The following GLT1D1 variants were observed in gnomAD, a reference collection of about 807,000 sequenced individuals.
GLT1D1 encodes glycosyltransferase 1 domain-containing protein 1.
A neutral mutation model predicts 28.7 loss-of-function variants in GLT1D1; 21 were observed. The observed-to-expected ratio is 0.73, with a 90% confidence interval of 0.52 to 1.05. The LOEUF (loss-of-function observed/expected upper bound fraction) is 1.05, where lower values mean the gene tolerates loss of function less well. Ranked by LOEUF, GLT1D1 falls within the 50% of genes least tolerant of loss-of-function variation. The pLI, the probability that GLT1D1 is intolerant of heterozygous loss-of-function variation, is 0.00. For missense variants in GLT1D1, 343 were observed against 330.6 expected (o/e 1.04, Z -0.29); for synonymous variants, 147 against 124.8 (o/e 1.18, Z -1.19).
At chr12:128,894,209 C>T (rs899738959) in intron 3 of GLT1D1, among the ~76,000 whole-genome samples, 7 of 152,234 alleles carry the variant, frequency 4.6e-5, no homozygotes, top group Admixed American at 3.3e-4. Flanking sequence ...AGATCCTCTC[C>T]GTCCGTCTTT....
At chr12:128,913,905 C>T (rs1871814367) in intron 4 of GLT1D1, among the ~76,000 whole-genome samples, 1 of 152,140 alleles carries the variant, frequency 6.6e-6, no homozygotes, top group African/African-American at 2.4e-5. Flanking sequence ...GCTCAGTGGG[C>T]CTTTAAGGGT....
chr12:128,942,768 T>TTTTTA (rs1875485025), intron 4 of GLT1D1, among the ~76,000 whole-genome samples: 1 of 137,526 alleles, frequency 7.3e-6, no homozygotes. Context: ...TTTTTTTTTT[T>TTTTTA]GAGACAGAGT....
chr12:128,928,244 G>A (rs1211326744), intron 4 of GLT1D1, among the ~76,000 whole-genome samples: 1 of 152,090 alleles, frequency 6.6e-6, no homozygotes. Flanking sequence ...GCCTTGTTGT[G>A]TGGAAAATGA....
chr12:128,899,463 G>A (rs776013604), intron 4 of GLT1D1, among the ~76,000 whole-genome samples, 176 bp downstream of exon 4: 6 of 151,430 alleles, frequency 4.0e-5, no homozygotes, highest in African/African-American at 9.7e-5. Context: ...CACCTAAAAC[G>A]TCCCTGATAT....
At chr12:128,879,397 T>G (rs1350446925) in intron 2 of GLT1D1, among the ~76,000 whole-genome samples, 1 of 81,994 alleles carries the variant, frequency 1.2e-5, no homozygotes, top group Non-Finnish European at 2.3e-5. Flanking sequence ...TTTCTTTCTT[T>G]CTTTCTTTCT....
At chr12:128,981,190 C>G (rs1300385804) in intron 7 of GLT1D1, among the ~76,000 whole-genome samples, 1 of 152,198 alleles carries the variant, frequency 6.6e-6, no homozygotes, top group Non-Finnish European at 1.5e-5. Context: ...CTCTCTCTTG[C>G]TTTATTTAAG....
intron 2 of GLT1D1, among the ~76,000 whole-genome samples, chr12:128,880,931 A>G (rs553472494): frequency 3.9e-5 from 6 of 152,290 alleles, no homozygotes; most frequent in African/African-American, 1.4e-4. Flanking sequence ...CTTTTAAAAA[A>G]TATTTGTAGT....
At chr12:128,871,986 C>T (rs542583337) in intron 1 of GLT1D1, among the ~76,000 whole-genome samples, 1 of 152,218 alleles carries the variant, frequency 6.6e-6, no homozygotes, top group East Asian at 1.9e-4. Context: ...GAGTCTCGCT[C>T]TGTCGCCCAG....
intron 2 of GLT1D1, among the ~76,000 whole-genome samples, chr12:128,876,559 A>G (rs911829752): frequency 6.6e-6 from 1 of 151,906 alleles, no homozygotes; most frequent in Non-Finnish European, 1.5e-5. Flanking sequence ...CAAGCAATCC[A>G]TCCTCCTCAG....
chr12:128,882,274 A>ATT (rs533208189), intron 2 of GLT1D1, among the ~76,000 whole-genome samples: 108 of 133,526 alleles, frequency 8.1e-4, no homozygotes, highest in Admixed American at 2.7e-3. Context: ...GTATAACGCA[A>ATT]TTTTTTTTTT....
intron 1 of GLT1D1, among the ~76,000 whole-genome samples, chr12:128,868,578 G>A (rs1956606938): frequency 6.6e-6 from 1 of 152,148 alleles, no homozygotes; most frequent in African/African-American, 2.4e-5. Context: ...AATACCATTA[G>A]GGAGGTTGGA....
chr12:128,875,244 G>A (rs1956844107), intron 1 of GLT1D1, among the ~76,000 whole-genome samples: 1 of 152,190 alleles, frequency 6.6e-6, no homozygotes, highest in African/African-American at 2.4e-5. Flanking sequence ...TGGAATTAAG[G>A]AAATAGAAAA....
At position 128,897,732 on chromosome 12, in the gene GLT1D1, G is replaced by A. The variant is rs111922312; in HGVS notation, c.324-1504G>A. On this transcript the variant is annotated intron_variant, in intron 3 of 7. Coordinates refer to ENST00000281703, the MANE Select transcript of GLT1D1 (RefSeq NM_144669.3). ...TGCCCAGGCTGGAGTGCAGTGGCACGATCTCGGCTCACTGCAAGCTCCGCC... is the reference window on the plus strand; with the variant it reads ...TGCCCAGGCTGGAGTGCAGTGGCACAATCTCGGCTCACTGCAAGCTCCGCC... 3.3e-3 allele frequency among the ~76,000 whole-genome samples: 506 copies of A among 151,666 alleles called. 5 individuals carry two copies. Among genetic ancestry groups the A allele is most frequent in the African/African-American group, 0.012 (480 of 41,328 alleles).
At chr12:128,906,454 G>A (rs936844423) in intron 4 of GLT1D1, among the ~76,000 whole-genome samples, 1 of 152,110 alleles carries the variant, frequency 6.6e-6, no homozygotes, top group Non-Finnish European at 1.5e-5. Context: ...CAATGGTTAT[G>A]GTTTAATATG....
chr12:128,948,274 A>G (rs1876335322), intron 6 of GLT1D1, among the ~76,000 whole-genome samples: 1 of 152,148 alleles, frequency 6.6e-6, no homozygotes, highest in Non-Finnish European at 1.5e-5. Context: ...AGAGAGAATC[A>G]CCAGCATGTG....
intron 1 of GLT1D1, among the ~76,000 whole-genome samples, chr12:128,858,881 A>G (rs1017618642): frequency 3.3e-5 from 5 of 152,132 alleles, no homozygotes; most frequent in Non-Finnish European, 7.3e-5. Flanking sequence ...TTTCCTTTCT[A>G]TGGATCCCAG....
At chr12:128,894,153 T>C (rs1356206225) in intron 3 of GLT1D1, among the ~76,000 whole-genome samples, 4 of 152,134 alleles carry the variant, frequency 2.6e-5, no homozygotes, top group Non-Finnish European at 5.9e-5. Flanking sequence ...CAGCACTGTA[T>C]GGTGCTTGGA....
intron 4 of GLT1D1, among the ~76,000 whole-genome samples, chr12:128,905,727 C>T (rs1310890239): frequency 2.6e-5 from 4 of 152,162 alleles, no homozygotes; most frequent in African/African-American, 9.7e-5. Flanking sequence ...ACCAGGTCAG[C>T]ATGCTAGGCT....
chr12:128,962,737 T>C (rs1042716916), intron 7 of GLT1D1, among the ~76,000 whole-genome samples: 2 of 152,216 alleles, frequency 1.3e-5, no homozygotes, highest in Non-Finnish European at 2.9e-5. Context: ...AGTCTCCCTC[T>C]GTTGCCCAGG....
Sources: allele counts gnomAD v4.1 joint callset (sites outside exome capture counted in the v4.1 genomes callset), GRCh38; gene constraint gnomAD v4.1.1; transcripts MANE v1.5; gene names NCBI Gene and HGNC (gene_info 2026-07-23, HGNC 2026-07-21).